DAB1: variants seen among roughly 807,000 people sequenced by gnomAD.
The protein encoded by DAB1 is DAB adaptor protein 1.
A neutral mutation model predicts 64.6 loss-of-function variants in DAB1; 15 were observed. That is an observed-to-expected ratio of 0.23 (90% CI 0.16 to 0.36). DAB1 has a LOEUF of 0.36. Ranked by LOEUF, DAB1 falls within the 10% of genes least tolerant of loss-of-function variation. DAB1 has a pLI of 1.00. For missense variants in DAB1, 596 were observed against 706.7 expected (o/e 0.84, Z 1.78); for synonymous variants, 235 against 251.9 (o/e 0.93, Z 0.64).
intron 6 of DAB1, among the ~76,000 whole-genome samples, chr1:57,656,062 G>C (rs905728281): frequency 6.6e-6 from 1 of 152,088 alleles, no homozygotes; most frequent in Non-Finnish European, 1.5e-5. Context: ...TTCATGAATG[G>C]AATTAGTGCC....
chr1:57,881,099 T>G (rs1050494773), intron 1 of DAB1, among the ~76,000 whole-genome samples: 3 of 152,182 alleles, frequency 2.0e-5, no homozygotes, highest in African/African-American at 7.2e-5. Flanking sequence ...ATGCTGACTT[T>G]ACTTCACTAA....
chr1:58,244,191 T>C (rs909246736), intron 4 of DAB1, among the ~76,000 whole-genome samples: 11 of 152,222 alleles, frequency 7.2e-5, no homozygotes, highest in South Asian at 4.1e-4. Flanking sequence ...GAATAACATA[T>C]GAAAAGTGCC....
At chr1:58,512,901 C>T (rs1646102777) in intron 2 of DAB1, among the ~76,000 whole-genome samples, 1 of 148,488 alleles carries the variant, frequency 6.7e-6, no homozygotes, top group Non-Finnish European at 1.5e-5. Flanking sequence ...GTTAAATGTA[C>T]TTACTAAAAA....
intron 5 of DAB1, among the ~76,000 whole-genome samples, chr1:58,020,867 A>G (rs1048944383): frequency 6.6e-6 from 1 of 152,058 alleles, no homozygotes; most frequent in Non-Finnish European, 1.5e-5. Context: ...GCCAGGGGTG[A>G]TGGCGCACAC....
rs115960905 is a variant in DAB1, at chr1:57,994,016, C to T, written n.388-109854G>A. ...GGTCTCTCTCCTTATAAAAGCGTAG[C>T]CTGTTGGGGAACAGAGGCAAGGCTA... On this transcript the variant is annotated intron_variant and non_coding_transcript_variant, in intron 5 of 20. Transcript: ENST00000485760. Among the ~76,000 whole-genome samples, 650 of 152,276 alleles carry T rather than the reference C, an allele frequency of 4.3e-3. 5 individuals are homozygous for T. Among genetic ancestry groups the T allele is most frequent in the African/African-American group, 0.015 (611 of 41,560 alleles).
Position 57,550,094 on chromosome 1 carries a change from T to A in DAB1, n.625+99498A>T, listed in dbSNP as rs374866011. On this transcript the variant is annotated intron_variant and non_coding_transcript_variant, in intron 7 of 20. Coordinates refer to the DAB1 transcript ENST00000485760. The stretch of plus-strand genomic sequence containing the variant: ...TGGAACAATCAAGACCTGGTGCAGA[T>A]TCTGGGGCCCTTAATTAGCTACAGG... Among the ~76,000 whole-genome samples, 11 of 152,286 alleles carry A rather than the reference T, an allele frequency of 7.2e-5. No homozygotes were observed. The South Asian group carries it at 1.0e-3, about 14-fold the overall frequency.
chr1:57,957,303 A>G (rs944179617), intron 5 of DAB1, among the ~76,000 whole-genome samples: 2 of 152,170 alleles, frequency 1.3e-5, no homozygotes, highest in Admixed American at 6.5e-5. Context: ...GAATAAGTGG[A>G]TATCAGGTGT....
At chr1:58,097,401 T>G in intron 5 of DAB1, among the ~76,000 whole-genome samples, 1 of 152,154 alleles carries the variant, frequency 6.6e-6, no homozygotes, top group East Asian at 1.9e-4. Context: ...GGTAAGCCAT[T>G]AATTTTAAGA....
At chr1:58,292,100 T>C (rs1661857397) in intron 4 of DAB1, among the ~76,000 whole-genome samples, 1 of 152,150 alleles carries the variant, frequency 6.6e-6, no homozygotes, top group Non-Finnish European at 1.5e-5. Flanking sequence ...TTTTGCCTCA[T>C]TTTTTACCAC....
chr1:57,968,152 T>C (rs1402882555), intron 5 of DAB1, among the ~76,000 whole-genome samples: 3 of 152,174 alleles, frequency 2.0e-5, no homozygotes, highest in African/African-American at 7.2e-5. Flanking sequence ...AGTCACTTAA[T>C]GAAATGATAG....
intron 1 of DAB1, among the ~76,000 whole-genome samples, chr1:58,527,817 A>C (rs1051157907): frequency 2.0e-5 from 3 of 152,208 alleles, no homozygotes; most frequent in African/African-American, 7.2e-5. Flanking sequence ...AAATTATCTT[A>C]ATTTCCTTTT....
intron 5 of DAB1, among the ~76,000 whole-genome samples, chr1:58,041,343 T>C (rs1647133400): frequency 6.6e-6 from 1 of 152,196 alleles, no homozygotes; most frequent in Non-Finnish European, 1.5e-5. Flanking sequence ...CATCTCTATG[T>C]TTCTGGAAAT....
chr1:57,771,466 T>C (rs932575469), intron 6 of DAB1, among the ~76,000 whole-genome samples: 9 of 152,150 alleles, frequency 5.9e-5, no homozygotes, highest in South Asian at 2.1e-4. Context: ...TGTTAGCCCA[T>C]GTTGTTCTAT....
intron 1 of DAB1, among the ~76,000 whole-genome samples, chr1:57,402,503 T>G (rs1407179745): frequency 6.6e-6 from 1 of 152,174 alleles, no homozygotes; most frequent in Non-Finnish European, 1.5e-5. Context: ...AGTCCCAAGA[T>G]ATTGCTGCAA....
At chr1:58,209,134 G>A (rs986533426) in intron 4 of DAB1, among the ~76,000 whole-genome samples, 6 of 152,142 alleles carry the variant, frequency 3.9e-5, no homozygotes, top group Non-Finnish European at 8.8e-5. Context: ...AAATAATGTG[G>A]GGATCTAAAG....
chr1:57,939,860 T>C (rs1010859225), intron 5 of DAB1, among the ~76,000 whole-genome samples: 2 of 152,236 alleles, frequency 1.3e-5, no homozygotes, highest in Admixed American at 1.3e-4. Context: ...CCTGTATTCT[T>C]ACCACTGCTC....
At chr1:57,984,202 A>AAG (rs1383974264) in intron 5 of DAB1, among the ~76,000 whole-genome samples, 1 of 132,788 alleles carries the variant, frequency 7.5e-6, no homozygotes, top group East Asian at 2.1e-4. Flanking sequence ...GAAAGAAAGA[A>AAG]AGAAAGAAAG....
At chr1:57,065,110 T>A (rs780763137) in intron 8 of DAB1, among the ~76,000 whole-genome samples, 13 of 152,172 alleles carry the variant, frequency 8.5e-5, no homozygotes, top group Non-Finnish European at 1.9e-4. Flanking sequence ...AAACTCAAAC[T>A]GTGCATAATT....
chr1:58,372,823 G>C (rs1431005179), intron 3 of DAB1, among the ~76,000 whole-genome samples: 1 of 152,082 alleles, frequency 6.6e-6, no homozygotes, highest in Non-Finnish European at 1.5e-5. Context: ...TGTAAGACAT[G>C]CCTTGCTTTC....
Sources: allele counts gnomAD v4.1 joint callset (sites outside exome capture counted in the v4.1 genomes callset), GRCh38; gene constraint gnomAD v4.1.1; transcripts MANE v1.5; gene names NCBI Gene and HGNC (gene_info 2026-07-23, HGNC 2026-07-21).